Variants in DIAPH2 observed in about 807,000 individuals in gnomAD.
DIAPH2 encodes diaphanous related formin 2.
Under a neutral mutation model 92.7 loss-of-function variants are expected in DIAPH2, and 35 were observed. The ratio of observed to expected loss-of-function variants is 0.38; its 90% confidence interval spans 0.29 to 0.50. The LOEUF (loss-of-function observed/expected upper bound fraction) is 0.50. Among genes scored for constraint, DIAPH2 ranks in the 20% least tolerant of loss-of-function variants. The pLI is 0.94. For missense variants in DIAPH2, 701 were observed against 819.5 expected, an observed-to-expected ratio of 0.86 and a Z score of 1.77; for synonymous variants, 301 against 280.4, an observed-to-expected ratio of 1.07 and a Z score of -0.73.
intron 4 of DIAPH2, among the ~76,000 whole-genome samples, chrX:96,765,193 G>GT (rs142407154): frequency 0.02 from 1,636 of 83,180 alleles, 58 homozygotes; most frequent in African/African-American, 0.065. Flanking sequence ...ATATTCACAT[G>GT]TTTTTTTTTT....
intron 17 of DIAPH2, among the ~76,000 whole-genome samples, chrX:97,039,605 A>G (rs928037969): frequency 4.5e-5 from 5 of 110,985 alleles, no homozygotes; most frequent in African/African-American, 1.6e-4. Flanking sequence ...TTATTTTCCT[A>G]TTTCTCTTCC....
At chrX:97,334,993 C>CAAAAAAAAAAAAAAAAAAA (rs1314227612) in intron 23 of DIAPH2, among the ~76,000 whole-genome samples, 1 of 6,634 alleles carries the variant, frequency 1.5e-4, no homozygotes, top group Non-Finnish European at 4.6e-4. Context: ...AAAACAAAAA[C>CAAAAAAAAAAAAAAAAAAA]AAAACAAAAA....
At chrX:97,211,545 TG>T (rs915716594) in intron 22 of DIAPH2, among the ~76,000 whole-genome samples, 1 of 111,401 alleles carries the variant, frequency 9.0e-6, no homozygotes, top group Admixed American at 9.6e-5. Flanking sequence ...TAGGTCATGC[TG>T]GGCATTGGAG....
chrX:96,854,598 CATATAT>C (rs57209486), intron 4 of DIAPH2, among the ~76,000 whole-genome samples: 517 of 37,082 alleles, frequency 0.014, 12 homozygotes, highest in African/African-American at 0.019. Flanking sequence ...CTCTCTCTCT[CATATAT>C]ATATATATAT....
chrX:96,778,444 G>A (rs1438855297), intron 4 of DIAPH2, among the ~76,000 whole-genome samples: 1 of 109,593 alleles, frequency 9.1e-6, no homozygotes, highest in Non-Finnish European at 1.9e-5. Context: ...CTGAGCCTTA[G>A]TTGCCTATTT....
At chrX:96,946,866 T>C (rs2065741034) in intron 14 of DIAPH2, among the ~76,000 whole-genome samples, 1 of 111,688 alleles carries the variant, frequency 9.0e-6, no homozygotes, top group Non-Finnish European at 1.9e-5. Context: ...TGTTTGATGC[T>C]TTAGTGTCAT....
chrX:96,981,521 T>C (rs2065997608), intron 17 of DIAPH2, among the ~76,000 whole-genome samples: 1 of 112,282 alleles, frequency 8.9e-6, no homozygotes, highest in Non-Finnish European at 1.9e-5. Flanking sequence ...AATTATATGT[T>C]AATATTTGTT....
intron 4 of DIAPH2, 89 bp downstream of exon 4, chrX:96,758,347 G>C: frequency 2.7e-6 from 2 of 737,086 alleles, no homozygotes; most frequent in Non-Finnish European, 4.0e-6. Flanking sequence ...CAGCTCTTCA[G>C]ATTACCTCAT....
chrX:97,083,982 A>G (rs1033049312), intron 19 of DIAPH2, among the ~76,000 whole-genome samples: 2 of 111,160 alleles, frequency 1.8e-5, no homozygotes, highest in African/African-American at 3.3e-5. Flanking sequence ...CTGTGAATAC[A>G]GGCAATCATA....
intron 23 of DIAPH2, among the ~76,000 whole-genome samples, chrX:97,251,711 C>T (rs984624771): frequency 2.7e-5 from 3 of 112,024 alleles, no homozygotes; most frequent in Non-Finnish European, 3.8e-5. Context: ...GCACGAGCCA[C>T]AGCGCCCGGC....
chrX:97,580,314 A>G (rs1251137852), intron 26 of DIAPH2, among the ~76,000 whole-genome samples: 1 of 91,961 alleles, frequency 1.1e-5, no homozygotes, highest in Non-Finnish European at 2.2e-5. Flanking sequence ...TTTGTCATAG[A>G]TAGCTCTTAT....
chrX:97,410,298 C>T (rs2069855621), intron 25 of DIAPH2, among the ~76,000 whole-genome samples: 1 of 111,990 alleles, frequency 8.9e-6, no homozygotes, highest in Admixed American at 9.5e-5. Context: ...GCAGACTCCA[C>T]CAGAGCTGCA....
intron 17 of DIAPH2, among the ~76,000 whole-genome samples, chrX:96,985,509 G>A (rs183488882): frequency 2.8e-3 from 310 of 109,444 alleles, no homozygotes; most frequent in African/African-American, 9.8e-3. Flanking sequence ...CTATTGATAC[G>A]GCTATATAAA....
chrX:97,169,876 TAAGAC>T (rs749932891), intron 22 of DIAPH2, among the ~76,000 whole-genome samples: 3,352 of 111,310 alleles, frequency 0.03, 49 homozygotes, highest in Middle Eastern at 0.041. Flanking sequence ...TCAAAAAAAA[TAAGAC>T]AAAAGTACCC....
At chrX:97,115,767 A>G (rs1318425872) in intron 21 of DIAPH2, among the ~76,000 whole-genome samples, 2 of 111,798 alleles carry the variant, frequency 1.8e-5, no homozygotes, top group Non-Finnish European at 1.9e-5. Context: ...AGAAAATTGA[A>G]TAACAATCAT....
intron 26 of DIAPH2, chrX:97,442,597 G>T (rs1235213640): frequency 8.9e-6 from 1 of 112,294 alleles, no homozygotes; most frequent in Non-Finnish European, 1.9e-5. Context: ...CCTAAATAGG[G>T]ATAAGAAATT....
chrX:97,270,537 C>T (rs2068378023), intron 23 of DIAPH2, among the ~76,000 whole-genome samples: 2 of 111,875 alleles, frequency 1.8e-5, no homozygotes. Context: ...TCCCATCACC[C>T]ATCAACACAG....
intron 26 of DIAPH2, among the ~76,000 whole-genome samples, chrX:97,596,422 A>G (rs1157667676): frequency 1.8e-5 from 2 of 112,147 alleles, no homozygotes; most frequent in African/African-American, 3.2e-5. Context: ...AGCCCTCCAT[A>G]TAATCTCAGG....
chrX:97,419,418 A>T (rs1314997676), intron 25 of DIAPH2, among the ~76,000 whole-genome samples: 1 of 112,648 alleles, frequency 8.9e-6, no homozygotes, highest in African/African-American at 3.2e-5. Flanking sequence ...CTGTGTTTCC[A>T]TAAACATAGG....
Sources: gnomAD v4.1 joint callset for allele counts (sites outside exome capture counted in the v4.1 genomes callset) on GRCh38, gnomAD v4.1.1 for gene constraint, MANE v1.5 for transcripts, NCBI Gene and HGNC (gene_info 2026-07-23, HGNC 2026-07-21) for gene names.